The following LMBR1 variants were observed in gnomAD, a reference collection of about 807,000 sequenced individuals.
LMBR1 encodes the protein limb region 1 protein homolog.
Under a neutral mutation model 73.9 loss-of-function variants are expected in LMBR1, and 52 were observed. The observed-to-expected ratio is 0.70, with a 90% confidence interval of 0.56 to 0.89. LMBR1 has a LOEUF of 0.89. Among genes scored for constraint, LMBR1 ranks in the 40% least tolerant of loss-of-function variants. The probability of loss-of-function intolerance (pLI) is 0.00; values close to 1 mark genes in which losing one functional copy is unlikely to be tolerated. For missense variants in LMBR1, 539 were observed against 579.8 expected, an observed-to-expected ratio of 0.93 and a Z score of 0.72; for synonymous variants, 215 against 209.4, an observed-to-expected ratio of 1.03 and a Z score of -0.23.
chr7:156,829,957 A>T (rs369214230), intron 3 of LMBR1, among the ~76,000 whole-genome samples: 6 of 152,182 alleles, frequency 3.9e-5, no homozygotes, highest in Admixed American at 3.3e-4. Flanking sequence ...CAGAACTCAC[A>T]TATCACACCT....
intron 1 of LMBR1, among the ~76,000 whole-genome samples, chr7:156,852,452 T>A (rs1352455316): frequency 6.6e-6 from 1 of 152,188 alleles, no homozygotes; most frequent in African/African-American, 2.4e-5. Context: ...GATAGCATGT[T>A]TCTATACTAT....
At chr7:156,875,655 T>A (rs62492670) in intron 1 of LMBR1, among the ~76,000 whole-genome samples, 28,396 of 152,112 alleles carry the variant, frequency 0.19, 2,766 homozygotes, top group South Asian at 0.21. Context: ...ACTGGGGCCC[T>A]ATCTTCAGCC....
intron 15 of LMBR1, among the ~76,000 whole-genome samples, chr7:156,718,465 T>A (rs190226232): frequency 5.0e-4 from 75 of 151,122 alleles, no homozygotes; most frequent in African/African-American, 1.5e-3. Flanking sequence ...GGCTCCCGCC[T>A]GAAATCTCAG....
chr7:156,734,429 C>G (rs1435710041), intron 9 of LMBR1, among the ~76,000 whole-genome samples, 172 bp from the exon 10 acceptor site: 1 of 152,170 alleles, frequency 6.6e-6, no homozygotes, highest in Non-Finnish European at 1.5e-5. Context: ...CCAATTAAAA[C>G]TTCTTGCTGA....
intron 15 of LMBR1, among the ~76,000 whole-genome samples, chr7:156,709,896 A>ATTTTTT (rs34487923): frequency 1.1e-5 from 1 of 90,354 alleles, no homozygotes; most frequent in African/African-American, 4.8e-5. Context: ...CAGAAGGTTG[A>ATTTTTT]TTTTTTTTTT....
At chr7:156,783,840 TA>T (rs755457011) in intron 5 of LMBR1, among the ~76,000 whole-genome samples, 154 of 152,218 alleles carry the variant, frequency 1.0e-3, no homozygotes, top group Non-Finnish European at 1.7e-3. Flanking sequence ...TTCAATGGTG[TA>T]AGAGATCAGG....
intron 1 of LMBR1, among the ~76,000 whole-genome samples, chr7:156,887,523 T>C (rs1586482909): frequency 7.1e-6 from 1 of 141,024 alleles, no homozygotes; most frequent in South Asian, 2.2e-4. Flanking sequence ...TAATTCAAAA[T>C]GGATCAGACC....
At chr7:156,675,345 T>G (rs1803624408), downstream of LMBR1, among the ~76,000 whole-genome samples, 1 of 152,194 alleles carries the variant, frequency 6.6e-6, no homozygotes, top group Non-Finnish European at 1.5e-5. Flanking sequence ...AGGAGGGTCC[T>G]GTGACCCACT....
intron 1 of LMBR1, among the ~76,000 whole-genome samples, chr7:156,873,596 G>A (rs1452651653): frequency 6.6e-6 from 1 of 152,142 alleles, no homozygotes; most frequent in Non-Finnish European, 1.5e-5. Context: ...TACAATCCCT[G>A]AGCTAGATAC....
intron 9 of LMBR1, among the ~76,000 whole-genome samples, chr7:156,754,846 A>T (rs1391644298): frequency 6.6e-6 from 1 of 152,200 alleles, no homozygotes; most frequent in Non-Finnish European, 1.5e-5. Context: ...TGTATTAGTC[A>T]AAATGTCCAT....
intron 15 of LMBR1, among the ~76,000 whole-genome samples, chr7:156,707,609 G>A (rs1811233312): frequency 6.6e-6 from 1 of 152,006 alleles, no homozygotes; most frequent in South Asian, 2.1e-4. Flanking sequence ...CAGAATTAAG[G>A]GCAAAAACCA....
intron 1 of LMBR1, among the ~76,000 whole-genome samples, chr7:156,877,526 A>G (rs1486963714): frequency 6.6e-6 from 1 of 152,146 alleles, no homozygotes; most frequent in South Asian, 2.1e-4. Flanking sequence ...GAATCCAAAA[A>G]CATATCAAAA....
intron 15 of LMBR1, among the ~76,000 whole-genome samples, chr7:156,715,841 A>C (rs567606540): frequency 6.6e-6 from 1 of 152,298 alleles, no homozygotes; most frequent in African/African-American, 2.4e-5. Flanking sequence ...GGACACTTTG[A>C]TTGTTTCCAC....
intron 4 of LMBR1, among the ~76,000 whole-genome samples, chr7:156,809,927 ATT>A (rs1832797252): frequency 6.6e-6 from 1 of 152,106 alleles, no homozygotes; most frequent in Non-Finnish European, 1.5e-5. Flanking sequence ...GTTCTCATCA[ATT>A]TTGAAATGTT....
chr7:156,676,416 C>A (rs755867609), downstream of LMBR1: 19 of 1,613,970 alleles, frequency 1.2e-5, no homozygotes, highest in Non-Finnish European at 1.6e-5. Flanking sequence ...CTGTGTGCCG[C>A]AGGCTCTGCG....
At chr7:156,816,308 T>A (rs1050132937) in intron 4 of LMBR1, among the ~76,000 whole-genome samples, 4 of 152,094 alleles carry the variant, frequency 2.6e-5, no homozygotes, top group Non-Finnish European at 5.9e-5. Context: ...CAGGTTCAAG[T>A]GATTCTTGTG....
At chr7:156,730,705 A>T (rs1335596950) in intron 10 of LMBR1, among the ~76,000 whole-genome samples, 1 of 152,220 alleles carries the variant, frequency 6.6e-6, no homozygotes, top group African/African-American at 2.4e-5. Context: ...TGGAAGGCCA[A>T]GGCAGGCCAA....
At chr7:156,715,247 C>G (rs1187412521) in intron 15 of LMBR1, among the ~76,000 whole-genome samples, 1 of 151,952 alleles carries the variant, frequency 6.6e-6, no homozygotes, top group Non-Finnish European at 1.5e-5. Flanking sequence ...CCACCACACC[C>G]AGCCAAAAAA....
chr7:156,675,813 A>G, downstream of LMBR1: 1 of 1,614,216 alleles, frequency 6.2e-7, no homozygotes, highest in South Asian at 1.1e-5. Flanking sequence ...GTTGGAAGAA[A>G]AATGTGGCCA....
Sources: gnomAD v4.1 joint callset for allele counts (sites outside exome capture counted in the v4.1 genomes callset) on GRCh38, gnomAD v4.1.1 for gene constraint, MANE v1.5 for transcripts, NCBI Gene and HGNC (gene_info 2026-07-23, HGNC 2026-07-21) for gene names.